The following REXO5 variants were observed in gnomAD, a reference collection of about 807,000 sequenced individuals.
REXO5 encodes exonuclease NEF-sp.
Under a neutral mutation model 88.5 loss-of-function variants are expected in REXO5, and 48 were observed. That is an observed-to-expected ratio of 0.54 (90% CI 0.43 to 0.69). The LOEUF (loss-of-function observed/expected upper bound fraction) is 0.69, where lower values mean the gene tolerates loss of function less well. Among genes scored for constraint, REXO5 ranks in the 30% least tolerant of loss-of-function variants. The pLI is 0.00. For synonymous variants in REXO5, 311 were observed against 336.5 expected, an observed-to-expected ratio of 0.92 and a Z score of 0.83; for missense variants, 749 against 912.2, an observed-to-expected ratio of 0.82 and a Z score of 2.30.
intron 5 of REXO5, among the ~76,000 whole-genome samples, chr16:20,820,504 C>T (rs2081152785): frequency 1.1e-5 from 1 of 88,918 alleles, no homozygotes; most frequent in Non-Finnish European, 2.1e-5. Flanking sequence ...CTAGTCAGTT[C>T]TCTCTCTTTA....
At chr16:20,830,411 G>T (rs1472610756) in intron 11 of REXO5, among the ~76,000 whole-genome samples, 1 of 151,680 alleles carries the variant, frequency 6.6e-6, no homozygotes, top group Non-Finnish European at 1.5e-5. Context: ...GGCCAGGCTG[G>T]TCTCAAACTC....
At position 20,814,919 on chromosome 16, in the gene REXO5, C is replaced by A. The variant is rs752347076; in HGVS notation, c.252-8C>A. The A allele has an allele frequency of 1.9e-6, 3 of 1,610,390 alleles. No homozygotes were observed. The highest frequency in any genetic ancestry group is 1.7e-5 in the Admixed American group (1 of 59,440). On this transcript the variant is annotated splice_region_variant and splice_polypyrimidine_tract_variant and intron_variant, in intron 3 of 19. Coordinates refer to ENST00000261377, the MANE Select transcript of REXO5 (RefSeq NM_030941.3). ...TGTCTTAACTGTGTTGGTTTGATTTCTTGGCAGCTGGTGCCAGCTTTTTCA... is the reference window on the plus strand; with the variant it reads ...TGTCTTAACTGTGTTGGTTTGATTTATTGGCAGCTGGTGCCAGCTTTTTCA...
rs138467036 is a variant in REXO5 at position 20,842,720 on chromosome 16, T to C, written c.1627-1214T>C. On this transcript the variant is annotated intron_variant, in intron 15 of 19. Transcript: ENST00000261377. ...TCCACCCACCTTGGCCTCCCAAAGT[T>C]CTTGGATTACAGGCGTGAGCCACTG... is the stretch of plus-strand genomic sequence containing the variant. Among the ~76,000 whole-genome samples the C allele has an allele frequency of 1.4e-4, 22 of 152,182 alleles. No individual in the cohort carries two copies. The East Asian group carries it at 4.2e-3, about 29-fold the overall frequency.
chr16:20,806,469 A>G (rs1266377823), upstream of REXO5: 2 of 1,550,546 alleles, frequency 1.3e-6, no homozygotes, highest in Non-Finnish European at 1.7e-6. Flanking sequence ...AGCTGCCGGA[A>G]GTCGCTCGAC....
chr16:20,827,285 C>T (rs1205407872), intron 9 of REXO5, 68 bp from the exon 10 acceptor site: 3 of 1,597,176 alleles, frequency 1.9e-6, no homozygotes, highest in East Asian at 2.2e-5. Flanking sequence ...TTCTCTCCCA[C>T]CCTGCTAGCC....
intron 7 of REXO5, 160 bp from the exon 8 acceptor site, chr16:20,825,673 C>T: frequency 3.4e-6 from 2 of 586,824 alleles, no homozygotes; most frequent in Non-Finnish European, 6.1e-6. Context: ...GCCTGCCCAG[C>T]TTTAATTTCA....
At chr16:20,839,230 C>A (rs1040758261) in intron 13 of REXO5, among the ~76,000 whole-genome samples, 1 of 152,246 alleles carries the variant, frequency 6.6e-6, no homozygotes, top group Admixed American at 6.5e-5. Context: ...AGCATGGCTT[C>A]TCTGAGGCTG....
Position 20,849,349 on chromosome 16 carries a change from T to C in REXO5, c.2244-50T>C, listed in dbSNP as rs761183192. ...CCTCTAACTAGGCATTTATAACCAT[T>C]CATTCAACCTTATGGATAAAAACAT... On this transcript the variant is annotated intron_variant, in intron 19 of 19. Coordinates refer to ENST00000261377, the MANE Select transcript of REXO5 (RefSeq NM_030941.3). 2.6e-6 allele frequency: 4 copies of C among 1,522,538 alleles called. No homozygotes were observed. In the East Asian group the frequency reaches 9.0e-5, roughly 34 times the overall value. The allele number at this position is 1,522,538 out of a possible 1,614,324, so 94.3% of individuals were successfully genotyped here. A position where few individuals can be genotyped will look rare whatever the true frequency, so the allele number is the denominator to read the frequency against.
chr16:20,808,828 C>G (rs2080953665), intron 2 of REXO5: 1 of 151,868 alleles, frequency 6.6e-6, no homozygotes, highest in Non-Finnish European at 1.5e-5. Flanking sequence ...GTCTTGAACT[C>G]CTGGACTTAA....
chr16:20,822,860 A>G (rs1050815199), intron 6 of REXO5, among the ~76,000 whole-genome samples: 9 of 152,146 alleles, frequency 5.9e-5, no homozygotes, highest in South Asian at 2.1e-4. Context: ...TTCAGGTCCA[A>G]GTTTTTTGTG....
At position 20,827,461 on chromosome 16, in the gene REXO5, T is replaced by C. The variant is rs778769535; in HGVS notation, c.1055+14T>C. 6.4e-7 allele frequency: 1 copy of C among 1,569,476 alleles called. No homozygotes were observed. The highest frequency in any genetic ancestry group is 1.1e-5 in the South Asian group (1 of 89,656). The stretch of plus-strand genomic sequence containing the variant: ...AGTTATTTTGGGGTAGGTTTGCTTA[T>C]ATGCTGTAATATTGTTCTGACAAAC... On this transcript the variant is annotated intron_variant, in intron 10 of 19. Transcript: ENST00000261377.
Position 20,844,520 on chromosome 16 carries a change from T to C in REXO5, c.1720-109T>C, listed in dbSNP as rs1051137611. On this transcript the variant is annotated intron_variant, in intron 16 of 19. Transcript: ENST00000261377. ...AGAAAAGAAAAGAAACGGAAAATTT[T>C]AGGAAACTGAAAAATGAAGTTATTA... The C allele has an allele frequency of 8.4e-5, 76 of 900,218 alleles. No individual in the cohort carries two copies. In the African/African-American group the frequency reaches 1.1e-3, roughly 13 times the overall value. The allele number at this position is 900,218 out of a possible 1,614,324, so 55.8% of individuals were successfully genotyped here.
rs1473224848 is a variant in REXO5, at chr16:20,844,745, A to C, written c.1836A>C (p.Lys612Asn). The change falls in exon 17 of 20, where the codon AAA (lysine) becomes AAC (asparagine). Residue 612 changes from lysine to asparagine, a missense_variant. Physicochemically the swap from Lys to Asn is moderately conservative, Grantham distance 94. Coordinates refer to ENST00000261377, the MANE Select transcript of REXO5 (RefSeq NM_030941.3). ...IYLSGVSETF[K>N]EQLLQEPRLF... The stretch of plus-strand genomic sequence containing the variant: ...TGTCTGGAGTGAGTGAAACCTTCAA[A>C]GAACAGCTATTGCAGGAGCCCCGCC... The C allele has an allele frequency of 6.2e-7, 1 of 1,614,218 alleles. No homozygotes were observed. Among genetic ancestry groups the C allele is most frequent in the Admixed American group, 1.7e-5 (1 of 60,032 alleles).
chr16:20,830,995 T>G (rs1168405983), intron 11 of REXO5, among the ~76,000 whole-genome samples: 9 of 141,454 alleles, frequency 6.4e-5, no homozygotes, highest in South Asian at 2.4e-4. Context: ...TTTCTGTTTT[T>G]TTTTTTTTTT....
intron 4 of REXO5, 37 bp downstream of exon 4, chr16:20,815,090 G>C (rs1375366294): frequency 6.9e-6 from 11 of 1,589,502 alleles, no homozygotes; most frequent in Non-Finnish European, 8.5e-6. Context: ...GGCTGAGTCT[G>C]TTTTCCCATT....
intron 15 of REXO5, among the ~76,000 whole-genome samples, chr16:20,843,143 C>G (rs1333653970): frequency 6.6e-6 from 1 of 152,154 alleles, no homozygotes; most frequent in Non-Finnish European, 1.5e-5. Context: ...AAAGTCTATT[C>G]ACTTGTTTGC....
intron 11 of REXO5, among the ~76,000 whole-genome samples, chr16:20,828,756 G>T (rs977381059): frequency 1.3e-5 from 2 of 151,904 alleles, no homozygotes; most frequent in Non-Finnish European, 2.9e-5. Context: ...GTGAAACCCC[G>T]TCTCTACTAA....
chr16:20,817,528 TG>T, intron 5 of REXO5, among the ~76,000 whole-genome samples: 1 of 152,210 alleles, frequency 6.6e-6, no homozygotes, highest in Non-Finnish European at 1.5e-5. Flanking sequence ...CTGCAGGCTT[TG>T]TTTTTATTTT....
chr16:20,826,757 CATATT>C (rs2081265605), intron 8 of REXO5, among the ~76,000 whole-genome samples: 1 of 152,148 alleles, frequency 6.6e-6, no homozygotes. Context: ...GTGTTTATGA[CATATT>C]ATAAATGATA....
Sources: allele counts gnomAD v4.1 joint callset (sites outside exome capture counted in the v4.1 genomes callset), GRCh38; gene constraint gnomAD v4.1.1; transcripts MANE v1.5; gene names NCBI Gene and HGNC (gene_info 2026-07-23, HGNC 2026-07-21).